The following CERK variants were observed in gnomAD, a reference collection of about 807,000 sequenced individuals.
CERK encodes the protein acylsphingosine kinase.
CERK carries 39 observed loss-of-function variants against 63.4 expected under a neutral mutation model. The observed-to-expected ratio is 0.61, with a 90% confidence interval of 0.48 to 0.80. The LOEUF (loss-of-function observed/expected upper bound fraction) is 0.80, where lower values mean the gene tolerates loss of function less well. CERK is among the 30% of genes least tolerant of loss of function. The pLI, the probability that CERK is intolerant of heterozygous loss-of-function variation, is 0.00. For synonymous variants in CERK, 302 were observed against 280.0 expected (o/e 1.08, Z -0.78); for missense variants, 670 against 714.1 (o/e 0.94, Z 0.70).
intron 1 of CERK, among the ~76,000 whole-genome samples, chr22:46,728,890 G>T (rs546251236): frequency 2.4e-3 from 360 of 152,352 alleles, no homozygotes; most frequent in Non-Finnish European, 4.3e-3. Flanking sequence ...GCTCAGAGGA[G>T]AGGGGGCTGG....
chr22:46,686,939 C>T lies in CERK; in HGVS notation c.*195G>A, dbSNP rs966081852. ...AGAGTAAGCGGCGTGGGCTGCAACC[C>T]GCAGATGCGTACAGAACTGAAAATG... is the stretch of plus-strand genomic sequence containing the variant. On this transcript the variant is annotated 3_prime_UTR_variant, in exon 13 of 13. Coordinates refer to ENST00000216264, the MANE Select transcript of CERK (RefSeq NM_022766.6). 3 of 560,118 alleles carry T rather than the reference C, an allele frequency of 5.4e-6. No individual in the cohort carries two copies. Among genetic ancestry groups the T allele is most frequent in the Admixed American group, 6.1e-5 (2 of 32,674 alleles). 34.7% of individuals were successfully genotyped at this position (560,118 alleles called of 1,614,324 possible).
Position 46,720,912 on chromosome 22 carries a change from G to C in CERK, c.246C>G (p.Tyr82Ter). The C allele has an allele frequency of 1.9e-6, 3 of 1,596,286 alleles. No homozygotes were observed. The change falls in exon 2 of 13, where the codon TAC becomes TAG. Residue 82 changes from tyrosine to a stop codon, truncating the protein, a stop_gained. Coordinates refer to ENST00000216264, the MANE Select transcript of CERK (RefSeq NM_022766.6). LOFTEE classifies it high-confidence loss of function. ...SGKWQKMEKP[Y>*]AFTVHCVKRA... ...ATTTAGGCTTATCACCTGTAAAAGC[G>C]TAAGGCTTTTCCATTTTCTGCCATT...
chr22:46,730,396 G>T (rs970406396), intron 1 of CERK, among the ~76,000 whole-genome samples: 5 of 152,150 alleles, frequency 3.3e-5, no homozygotes, highest in Non-Finnish European at 7.3e-5. Context: ...ACTCCAGTCT[G>T]GGTAACAGAG....
Position 46,699,313 on chromosome 22 carries a change from C to G in CERK, c.943G>C (p.Gly315Arg). Residue 315 changes from glycine (G) to arginine (R), a missense_variant and splice_region_variant, in exon 8 of 13, where the codon GGT becomes CGT. By Grantham distance (125) the Gly-to-Arg change is moderately radical (BLOSUM62 -2). Transcript: ENST00000216264. ...GCGAGTCTGCATTATTCTGAGTTAC[C>G]TGAAAAGTCGTATCTGGCAAGACCC... ...WLGLARYDFS[G>R]LKTFLSHHCY... 6.2e-7 allele frequency: 1 copy of G among 1,614,068 alleles called. No homozygotes were observed. Among genetic ancestry groups the G allele is most frequent in the Non-Finnish European group, 8.5e-7 (1 of 1,179,964 alleles).
Position 46,695,357 on chromosome 22 carries a change from C to A in CERK, c.944-42G>T. 3 of 1,159,348 alleles carry A rather than the reference C, an allele frequency of 2.6e-6. No individual in the cohort carries two copies. The South Asian group carries it at 3.7e-5, about 14-fold the overall frequency. 71.8% of individuals were successfully genotyped at this position (1,159,348 alleles called of 1,614,324 possible). A position where few individuals can be genotyped will look rare whatever the true frequency, so the allele number is the denominator to read the frequency against. ...GTGAAGAAAAAACATCCACAAGGGT[C>A]ATTGCTTGGTTAGGATGCTGTGCTG... On this transcript the variant is annotated intron_variant, in intron 8 of 12. Transcript: ENST00000216264.
chr22:46,721,313 G>A (rs1044509253), intron 1 of CERK, among the ~76,000 whole-genome samples: 5 of 151,700 alleles, frequency 3.3e-5, no homozygotes, highest in African/African-American at 1.2e-4. Flanking sequence ...ATTTTTTTGA[G>A]ACAGAGTCTC....
intron 12 of CERK, among the ~76,000 whole-genome samples, chr22:46,688,728 G>A (rs1026287532): frequency 2.0e-5 from 3 of 152,244 alleles, no homozygotes; most frequent in Non-Finnish European, 2.9e-5. Flanking sequence ...CCCAGCTTTC[G>A]TTGCAGACAG....
At chr22:46,699,496 AG>A in intron 7 of CERK, 31 bp from the exon 8 acceptor site, 2 of 1,611,642 alleles carry the variant, frequency 1.2e-6, no homozygotes, top group South Asian at 2.2e-5. Context: ...GAGGGAAGGC[AG>A]CCCCCCTCCA....
intron 3 of CERK, among the ~76,000 whole-genome samples, chr22:46,718,189 G>T (rs12158514): frequency 0.17 from 25,277 of 152,110 alleles, 3,242 homozygotes; most frequent in African/African-American, 0.36. Flanking sequence ...TAGCTACAAG[G>T]AGACTATATC....
chr22:46,731,740 G>A (rs1236147500), intron 1 of CERK, among the ~76,000 whole-genome samples: 1 of 152,168 alleles, frequency 6.6e-6, no homozygotes, highest in Non-Finnish European at 1.5e-5. Context: ...GCAGGTGGGG[G>A]CAGGGCCAGA....
intron 4 of CERK, among the ~76,000 whole-genome samples, chr22:46,711,515 A>ATAGAT (rs1403768306): frequency 6.6e-6 from 1 of 152,230 alleles, no homozygotes; most frequent in Non-Finnish European, 1.5e-5. Flanking sequence ...ATGTTAGTGC[A>ATAGAT]GTCTCTATAC....
chr22:46,733,579 C>T (rs1328974509), intron 1 of CERK, among the ~76,000 whole-genome samples: 1 of 151,682 alleles, frequency 6.6e-6, no homozygotes, highest in Non-Finnish European at 1.5e-5. Context: ...CAGGTGTGAG[C>T]CACCACGCCC....
At chr22:46,722,214 A>T (rs1225420847) in intron 1 of CERK, among the ~76,000 whole-genome samples, 1 of 152,328 alleles carries the variant, frequency 6.6e-6, no homozygotes, top group South Asian at 2.1e-4. Context: ...TGCAAAAAAA[A>T]TTGCTATAAC....
intron 6 of CERK, among the ~76,000 whole-genome samples, chr22:46,702,192 A>G (rs2082788589): frequency 6.7e-6 from 1 of 148,336 alleles, no homozygotes; most frequent in South Asian, 2.2e-4. Context: ...AAAAAAAAAA[A>G]AAGGAGCCAA....
rs746451446 is a variant in CERK, at chr22:46,717,221, C to T, written c.379+2865G>A. Among the ~76,000 whole-genome samples the T allele has an allele frequency of 5.9e-4, 90 of 152,180 alleles. 1 individual carries two copies. Among genetic ancestry groups the T allele is most frequent in the Non-Finnish European group, 2.2e-4 (15 of 68,034 alleles). ...CTGAGGGTGGAATGCAGGCTGGCAG[C>T]GTCTTCTGAAGTCAACACATGCAAC... On this transcript the variant is annotated intron_variant, in intron 3 of 12. Transcript: ENST00000216264.
chr22:46,700,341 C>A (rs369806800), intron 7 of CERK, among the ~76,000 whole-genome samples: 2 of 152,168 alleles, frequency 1.3e-5, no homozygotes, highest in African/African-American at 2.4e-5. Flanking sequence ...TGCAGTGAGC[C>A]AAGATCGCGC....
chr22:46,689,289 T>C (rs2082718382), intron 12 of CERK, among the ~76,000 whole-genome samples: 1 of 152,248 alleles, frequency 6.6e-6, no homozygotes, highest in African/African-American at 2.4e-5. Context: ...CACTTGGTGA[T>C]TGACTGTGGC....
At chr22:46,727,252 C>T (rs887124672) in intron 1 of CERK, among the ~76,000 whole-genome samples, 2 of 151,874 alleles carry the variant, frequency 1.3e-5, no homozygotes, top group Non-Finnish European at 2.9e-5. Context: ...TGACCCTTGT[C>T]AGCACACCAT....
intron 12 of CERK, among the ~76,000 whole-genome samples, 161 bp downstream of exon 12, chr22:46,689,831 C>A (rs140858651): frequency 2.6e-4 from 39 of 152,230 alleles, no homozygotes; most frequent in Admixed American, 8.5e-4. Flanking sequence ...GCATCTCATT[C>A]GATATTTGAC....
Sources: allele counts gnomAD v4.1 joint callset (sites outside exome capture counted in the v4.1 genomes callset), GRCh38; gene constraint gnomAD v4.1.1; transcripts MANE v1.5; gene names NCBI Gene and HGNC (gene_info 2026-07-23, HGNC 2026-07-21).